Variants in RYK observed in about 807,000 individuals in gnomAD.
RYK encodes receptor like tyrosine kinase, also known as inactive tyrosine-protein kinase RYK.
RYK carries 21 observed loss-of-function variants against 70.2 expected under a neutral mutation model. The observed-to-expected ratio is 0.30, with a 90% CI of 0.21 to 0.43. The LOEUF (loss-of-function observed/expected upper bound fraction) is 0.43, where lower values mean the gene tolerates loss of function less well. RYK is among the 20% of genes least tolerant of loss of function. The pLI is 1.00. For missense variants in RYK, 604 were observed against 753.3 expected (o/e 0.80, Z 2.32); for synonymous variants, 267 against 278.0 (o/e 0.96, Z 0.39).
chr3:134,208,749 G>A (rs1465484651), intron 4 of RYK, among the ~76,000 whole-genome samples: 2 of 152,172 alleles, frequency 1.3e-5, no homozygotes, highest in Admixed American at 1.3e-4. Context: ...GCACCACTTA[G>A]CTATCTGATC....
At chr3:134,158,500 T>C (rs1157529057) in intron 14 of RYK, among the ~76,000 whole-genome samples, 3 of 152,174 alleles carry the variant, frequency 2.0e-5, no homozygotes, top group Non-Finnish European at 4.4e-5. Flanking sequence ...TTTCAGCAAA[T>C]ACAGAGATTT....
At chr3:134,180,303 T>G (rs542585124) in intron 10 of RYK, 2 of 152,346 alleles carry the variant, frequency 1.3e-5, no homozygotes, top group East Asian at 3.9e-4. Flanking sequence ...TATACAGCTA[T>G]TTTAACTTTT....
chr3:134,198,606 G>C (rs1406732446), intron 6 of RYK, among the ~76,000 whole-genome samples: 2 of 152,216 alleles, frequency 1.3e-5, no homozygotes, highest in Admixed American at 1.3e-4. Flanking sequence ...AAGTGGGCCA[G>C]AGTGAGCCCC....
chr3:134,160,001 A>C (rs1466579983), intron 13 of RYK, among the ~76,000 whole-genome samples: 1 of 152,072 alleles, frequency 6.6e-6, no homozygotes. Context: ...TGGCTCCTGG[A>C]GAGCGTGCAG....
chr3:134,233,489 AAGAC>A (rs1324332964), intron 1 of RYK, among the ~76,000 whole-genome samples: 2 of 152,226 alleles, frequency 1.3e-5, no homozygotes, highest in Middle Eastern at 3.2e-3. Context: ...AAGGAAACGA[AAGAC>A]AGACACAAAT....
intron 13 of RYK, among the ~76,000 whole-genome samples, chr3:134,164,955 T>TTGCATTTCCCTAATGAA (rs2012609735): frequency 6.6e-6 from 1 of 152,206 alleles, no homozygotes; most frequent in African/African-American, 2.4e-5. Flanking sequence ...TGGTTTAATT[T>TTGCATTTCCCTAATGAA]TGCATTTCCC....
At chr3:134,243,370 T>C (rs113603892) in intron 1 of RYK, among the ~76,000 whole-genome samples, 129 of 152,296 alleles carry the variant, frequency 8.5e-4, no homozygotes, top group African/African-American at 2.9e-3. Flanking sequence ...GTTGGCTCTA[T>C]CTCATTTCCC....
At chr3:134,224,070 C>T (rs1247026299) in intron 1 of RYK, among the ~76,000 whole-genome samples, 1 of 152,170 alleles carries the variant, frequency 6.6e-6, no homozygotes, top group African/African-American at 2.4e-5. Flanking sequence ...GTGGGTTTTT[C>T]TCCTTGTGTG....
At chr3:134,213,979 G>C (rs7622046) in intron 2 of RYK, among the ~76,000 whole-genome samples, 21,916 of 151,948 alleles carry the variant, frequency 0.14, 1,944 homozygotes, top group East Asian at 0.47. Flanking sequence ...GCTAATTTTT[G>C]TATTTTTAGT....
intron 13 of RYK, among the ~76,000 whole-genome samples, chr3:134,161,738 A>C (rs1296698891): frequency 6.6e-6 from 1 of 152,216 alleles, no homozygotes; most frequent in Non-Finnish European, 1.5e-5. Flanking sequence ...ATAGCCCTAC[A>C]TCTATTAAAG....
chr3:134,194,698 C>A (rs1378846315), intron 7 of RYK, among the ~76,000 whole-genome samples: 1 of 152,156 alleles, frequency 6.6e-6, no homozygotes, highest in Non-Finnish European at 1.5e-5. Flanking sequence ...TCACCATGGC[C>A]CATAAGACCA....
intron 1 of RYK, among the ~76,000 whole-genome samples, chr3:134,239,187 T>C (rs1401065360): frequency 6.6e-6 from 1 of 152,078 alleles, no homozygotes; most frequent in African/African-American, 2.4e-5. Flanking sequence ...AGACCAGGCA[T>C]AGTGGCTCAC....
intron 9 of RYK, among the ~76,000 whole-genome samples, chr3:134,187,130 A>C (rs1171789350): frequency 6.6e-6 from 1 of 152,178 alleles, no homozygotes; most frequent in East Asian, 1.9e-4. Flanking sequence ...TAGTAAATTA[A>C]ACCACTTGTT....
intron 1 of RYK, among the ~76,000 whole-genome samples, chr3:134,227,915 C>T (rs74744071): frequency 0.056 from 8,555 of 152,222 alleles, 625 homozygotes; most frequent in East Asian, 0.31. Flanking sequence ...CCTCGTGATC[C>T]GCCTGCCTCG....
intron 1 of RYK, among the ~76,000 whole-genome samples, chr3:134,229,379 GGAA>G (rs1486170803): frequency 3.3e-5 from 2 of 61,456 alleles, no homozygotes; most frequent in Non-Finnish European, 6.3e-5. Flanking sequence ...CCTTTGGGCT[GGAA>G]AAAAAAAAAA....
rs1239129287 is a variant in RYK, at chr3:134,250,586, G to T, written c.69C>A (p.Ala23=). 4 of 1,060,828 alleles carry T rather than the reference G, an allele frequency of 3.8e-6. No homozygotes were observed. The highest frequency in any genetic ancestry group is 3.5e-6 in the Non-Finnish European group (3 of 865,706). The allele number at this position is 1,060,828 out of a possible 1,614,324, so 65.7% of individuals were successfully genotyped here. A position where few individuals can be genotyped will look rare whatever the true frequency, so the allele number is the denominator to read the frequency against. ...SCLPGARGLR[A]PPPPPLLLLL... is the part of the protein sequence containing the mutation. ...GAAGCAGCAGCGGCGGCGGCGGCGG[G>T]GCCCTCAGGCCGCGGGCCCCCGGGA... is the stretch of plus-strand genomic sequence containing the variant. Residue 23 remains alanine, a synonymous_variant, in exon 1 of 15, where the codon GCC becomes GCA. Coordinates refer to ENST00000623711, the MANE Select transcript of RYK (RefSeq NM_002958.4).
chr3:134,239,492 A>T (rs560068527), intron 1 of RYK, among the ~76,000 whole-genome samples: 73 of 152,272 alleles, frequency 4.8e-4, no homozygotes, highest in Non-Finnish European at 2.8e-4. Flanking sequence ...AAAGAAAAGC[A>T]GCTATAAAAA....
At chr3:134,201,077 T>A (rs1423024942) in intron 6 of RYK, among the ~76,000 whole-genome samples, 1 of 152,242 alleles carries the variant, frequency 6.6e-6, no homozygotes, top group African/African-American at 2.4e-5. Context: ...CCAAATGTCA[T>A]GCTCTTCAGT....
At chr3:134,225,697 C>CT (rs1560024023) in intron 1 of RYK, among the ~76,000 whole-genome samples, 1 of 152,042 alleles carries the variant, frequency 6.6e-6, no homozygotes, top group East Asian at 1.9e-4. Context: ...CTATAAAAAA[C>CT]TTTTTTTAAA....
Sources: gnomAD v4.1 joint callset for allele counts (sites outside exome capture counted in the v4.1 genomes callset) on GRCh38, gnomAD v4.1.1 for gene constraint, MANE v1.5 for transcripts, NCBI Gene and HGNC (gene_info 2026-07-23, HGNC 2026-07-21) for gene names.